PRKCA: variants seen among roughly 807,000 people sequenced by gnomAD.
PRKCA encodes protein kinase C alpha.
A neutral mutation model predicts 87.0 loss-of-function variants in PRKCA; 27 were observed. The observed-to-expected ratio is 0.31, with a 90% CI of 0.23 to 0.43. PRKCA has a LOEUF of 0.43. PRKCA is among the 20% of genes least tolerant of loss of function. The probability of loss-of-function intolerance (pLI) is 1.00; values close to 1 mark genes in which losing one functional copy is unlikely to be tolerated. For missense variants in PRKCA, 518 were observed against 852.3 expected (o/e 0.61, Z 4.88); for synonymous variants, 329 against 311.1 (o/e 1.06, Z -0.61).
At chr17:66,747,506 T>C (rs921729663) in intron 13 of PRKCA, among the ~76,000 whole-genome samples, 2 of 152,222 alleles carry the variant, frequency 1.3e-5, no homozygotes, top group African/African-American at 2.4e-5. Context: ...CCCTGAGCAC[T>C]TCTGACTTGC....
In PRKCA at chr17:66,405,190, G is replaced by A. The variant is rs979055165; in HGVS notation, c.206-91011G>A. ...TCTCTGTTCACTTCCCCAAGGTGCC[G>A]ACACTGCGTGCACTCCACACGTGAG... is the stretch of plus-strand genomic sequence containing the variant. On this transcript the variant is annotated intron_variant, in intron 2 of 16. Transcript: ENST00000413366. Among the ~76,000 whole-genome samples, 12 of 152,152 alleles carry A rather than the reference G, an allele frequency of 7.9e-5. 1 individual carries two copies. Among genetic ancestry groups the A allele is most frequent in the Admixed American group, 5.9e-4 (9 of 15,280 alleles).
intron 3 of PRKCA, among the ~76,000 whole-genome samples, chr17:66,581,524 G>A (rs924908835): frequency 7.2e-5 from 11 of 152,032 alleles, no homozygotes; most frequent in Non-Finnish European, 1.0e-4. Flanking sequence ...CCCCCAGGCT[G>A]GAGTGCAGTG....
chr17:66,481,090 C>T (rs1598708183), intron 2 of PRKCA, among the ~76,000 whole-genome samples: 1 of 152,234 alleles, frequency 6.6e-6, no homozygotes, highest in Admixed American at 6.5e-5. Flanking sequence ...TCAGCACTAG[C>T]GTCATTTCTG....
At chr17:66,361,394 C>T (rs1359017968) in intron 2 of PRKCA, among the ~76,000 whole-genome samples, 1 of 151,760 alleles carries the variant, frequency 6.6e-6, no homozygotes, top group Admixed American at 6.6e-5. Flanking sequence ...TCACTGTTAC[C>T]TCCGCTTCCT....
chr17:66,535,384 A>G (rs1176328797), intron 3 of PRKCA, among the ~76,000 whole-genome samples: 1 of 152,216 alleles, frequency 6.6e-6, no homozygotes, highest in Non-Finnish European at 1.5e-5. Context: ...AAGCCAACAT[A>G]TGGCAGAAAA....
intron 2 of PRKCA, among the ~76,000 whole-genome samples, chr17:66,405,413 G>A (rs1467950031): frequency 6.6e-6 from 1 of 152,106 alleles, no homozygotes; most frequent in Non-Finnish European, 1.5e-5. Flanking sequence ...ACTAATCCAC[G>A]GGCTGTCCAC....
chr17:66,790,760 G>A (rs188282619), intron 16 of PRKCA, among the ~76,000 whole-genome samples: 2 of 152,110 alleles, frequency 1.3e-5, no homozygotes, highest in South Asian at 2.1e-4. Flanking sequence ...TTATTGCCAC[G>A]TTATGGCAGA....
Position 66,805,115 on chromosome 17 carries a change from A to G in PRKCA, c.*1078A>G. On this transcript the variant is annotated 3_prime_UTR_variant, in exon 17 of 17. Transcript: ENST00000413366. ...ATTTTCCTCCCTTCTCTAGCCCTGG[A>G]TGTCCACTTAGGGATAAAAAGAATA... 1 of 984,222 alleles carries G rather than the reference A, an allele frequency of 1.0e-6. No homozygotes were observed. The highest frequency in any genetic ancestry group is 1.2e-6 in the Non-Finnish European group (1 of 828,814). 61.0% of individuals were successfully genotyped at this position (984,222 alleles called of 1,614,324 possible). A position where few individuals can be genotyped will look rare whatever the true frequency, so the allele number is the denominator to read the frequency against.
chr17:66,584,041 G>A (rs115555665), intron 3 of PRKCA, among the ~76,000 whole-genome samples: 76 of 152,252 alleles, frequency 5.0e-4, no homozygotes, highest in African/African-American at 1.7e-3. Flanking sequence ...GAATCATCAC[G>A]TTGGGACACA....
chr17:66,341,931 A>G (rs1489155564), intron 2 of PRKCA, among the ~76,000 whole-genome samples: 1 of 152,184 alleles, frequency 6.6e-6, no homozygotes, highest in Non-Finnish European at 1.5e-5. Flanking sequence ...GGAATTCAAG[A>G]TTTTTGTATT....
intron 16 of PRKCA, 34 bp downstream of exon 16, chr17:66,789,013 C>G (rs747873266): frequency 6.2e-7 from 1 of 1,612,920 alleles, no homozygotes; most frequent in Non-Finnish European, 8.5e-7. Flanking sequence ...TTTCGGAACC[C>G]CATGTCCCCA....
chr17:66,679,174 C>CTTTTTTT (rs10714678), intron 5 of PRKCA, among the ~76,000 whole-genome samples: 5 of 121,056 alleles, frequency 4.1e-5, no homozygotes. Flanking sequence ...ACACTCACAC[C>CTTTTTTT]TTTTTTTTTT....
At chr17:66,755,735 C>G (rs1382201799) in intron 13 of PRKCA, among the ~76,000 whole-genome samples, 1 of 152,150 alleles carries the variant, frequency 6.6e-6, no homozygotes, top group Non-Finnish European at 1.5e-5. Context: ...TAGACGTCAT[C>G]GTTCCATCCT....
chr17:66,411,778 T>C (rs1244974725), intron 2 of PRKCA, among the ~76,000 whole-genome samples: 2 of 152,118 alleles, frequency 1.3e-5, no homozygotes, highest in African/African-American at 4.8e-5. Flanking sequence ...TCAGTTTCAC[T>C]TGAGAGTGGC....
At chr17:66,493,152 T>C (rs1916316292) in intron 2 of PRKCA, among the ~76,000 whole-genome samples, 1 of 152,224 alleles carries the variant, frequency 6.6e-6, no homozygotes, top group Admixed American at 6.5e-5. Flanking sequence ...TTAAAATGTG[T>C]ATTTTTACAA....
At chr17:66,711,707 G>A (rs1418547468) in intron 8 of PRKCA, among the ~76,000 whole-genome samples, 1 of 152,096 alleles carries the variant, frequency 6.6e-6, no homozygotes, top group African/African-American at 2.4e-5. Flanking sequence ...ATGCTCGGGT[G>A]GAGGATTTGC....
intron 2 of PRKCA, among the ~76,000 whole-genome samples, chr17:66,377,014 G>GATTT (rs142218103): frequency 0.13 from 18,906 of 150,770 alleles, 1,336 homozygotes; most frequent in East Asian, 0.23. Flanking sequence ...AAAGCCTCCG[G>GATTT]ATTTATTTAT....
At chr17:66,700,973 A>T (rs1973045676) in intron 8 of PRKCA, among the ~76,000 whole-genome samples, 1 of 152,182 alleles carries the variant, frequency 6.6e-6, no homozygotes, top group African/African-American at 2.4e-5. Context: ...GTATGAAGCC[A>T]CAAAAGACCC....
At chr17:66,463,689 C>T (rs1181839558) in intron 2 of PRKCA, among the ~76,000 whole-genome samples, 1 of 152,116 alleles carries the variant, frequency 6.6e-6, no homozygotes, top group Non-Finnish European at 1.5e-5. Context: ...GCCACTGTGC[C>T]CAGCTAGTTT....
Sources: gnomAD v4.1 joint callset for allele counts (sites outside exome capture counted in the v4.1 genomes callset) on GRCh38, gnomAD v4.1.1 for gene constraint, MANE v1.5 for transcripts, NCBI Gene and HGNC (gene_info 2026-07-23, HGNC 2026-07-21) for gene names.